The following LMBR1 variants were observed in gnomAD, a reference collection of about 807,000 sequenced individuals.
LMBR1 encodes the protein limb development membrane protein 1.
LMBR1 carries 52 observed loss-of-function variants against 73.9 expected under a neutral mutation model. The observed-to-expected ratio is 0.70, with a 90% CI of 0.56 to 0.89. The LOEUF (loss-of-function observed/expected upper bound fraction) is 0.89, where lower values mean the gene tolerates loss of function less well. Among genes scored for constraint, LMBR1 ranks in the 40% least tolerant of loss-of-function variants. The pLI, the probability that LMBR1 is intolerant of heterozygous loss-of-function variation, is 0.00. For missense variants in LMBR1, 539 were observed against 579.8 expected, an observed-to-expected ratio of 0.93 and a Z score of 0.72; for synonymous variants, 215 against 209.4, an observed-to-expected ratio of 1.03 and a Z score of -0.23.
At chr7:156,836,716 T>C (rs1251807560) in intron 2 of LMBR1, 97 bp downstream of exon 2, 1 of 719,392 alleles carries the variant, frequency 1.4e-6, no homozygotes, top group East Asian at 3.1e-5. Context: ...GCATATTCAA[T>C]ACACTATGAC....
chr7:156,822,371 C>T (rs1834929220), intron 4 of LMBR1: 1 of 152,112 alleles, frequency 6.6e-6, no homozygotes, highest in African/African-American at 2.4e-5. Context: ...ACTCTGAAAG[C>T]GTAAACAATA....
intron 9 of LMBR1, among the ~76,000 whole-genome samples, chr7:156,754,938 C>G (rs575299285): frequency 2.6e-5 from 4 of 152,216 alleles, no homozygotes; most frequent in African/African-American, 7.2e-5. Flanking sequence ...AGTGGCTAAC[C>G]AGCAGCAAAC....
intron 9 of LMBR1, among the ~76,000 whole-genome samples, chr7:156,734,616 C>A (rs772602110): frequency 6.6e-5 from 10 of 152,106 alleles, no homozygotes; most frequent in Non-Finnish European, 1.3e-4. Flanking sequence ...AACCCAAAAC[C>A]ACCAGTACCA....
At chr7:156,746,082 A>G (rs781208966) in intron 9 of LMBR1, among the ~76,000 whole-genome samples, 33 of 152,214 alleles carry the variant, frequency 2.2e-4, no homozygotes, top group Non-Finnish European at 4.1e-4. Context: ...ATTTACAGAA[A>G]GACAGCACAG....
chr7:156,879,338 T>C (rs1586427151), intron 1 of LMBR1, among the ~76,000 whole-genome samples: 1 of 152,088 alleles, frequency 6.6e-6, no homozygotes, highest in Admixed American at 6.6e-5. Flanking sequence ...TGGACTCAAA[T>C]TAGCAAGAGA....
chr7:156,858,687 A>G (rs1462585239), intron 1 of LMBR1, among the ~76,000 whole-genome samples: 1 of 152,210 alleles, frequency 6.6e-6, no homozygotes, highest in Non-Finnish European at 1.5e-5. Flanking sequence ...ACTGAATCCA[A>G]CAGTATATAA....
chr7:156,822,668 A>T (rs968747193), intron 4 of LMBR1: 1 of 152,220 alleles, frequency 6.6e-6, no homozygotes, highest in African/African-American at 2.4e-5. Context: ...AATTCTGGAA[A>T]AAAGCAATTA....
rs144411064 is a variant in LMBR1 at position 156,731,028 on chromosome 7, T to C, written c.839-2308A>G. On this transcript the variant is annotated intron_variant, in intron 10 of 16. Transcript: ENST00000353442. ...CCATGTATTGGATTTATCAGAAAGATGCTTTAAAATAAATGATTAACATAT... is the reference window on the plus strand; with the variant it reads ...CCATGTATTGGATTTATCAGAAAGACGCTTTAAAATAAATGATTAACATAT... Among the ~76,000 whole-genome samples, 72 of 152,246 alleles carry C rather than the reference T, an allele frequency of 4.7e-4. 1 individual carries two copies. The highest frequency in any genetic ancestry group is 1.6e-3 in the African/African-American group (68 of 41,550).
chr7:156,684,638 A>G (rs1184064647), intron 16 of LMBR1, among the ~76,000 whole-genome samples: 1 of 152,200 alleles, frequency 6.6e-6, no homozygotes, highest in Non-Finnish European at 1.5e-5. Flanking sequence ...CCCGAGACAG[A>G]TACGTTCCCA....
chr7:156,797,132 A>G (rs1452312709), intron 4 of LMBR1, among the ~76,000 whole-genome samples: 1 of 152,174 alleles, frequency 6.6e-6, no homozygotes, highest in East Asian at 1.9e-4. Context: ...TCACTACATC[A>G]CAGAAATTTT....
chr7:156,832,086 A>G (rs1204590163), intron 3 of LMBR1, among the ~76,000 whole-genome samples: 3 of 152,252 alleles, frequency 2.0e-5, no homozygotes, highest in Non-Finnish European at 4.4e-5. Flanking sequence ...AAAACCCGTA[A>G]TTCTGTAAAT....
rs181325081 is a variant in LMBR1 at position 156,826,508 on chromosome 7, A to G, written c.319+97T>C. 2.5e-4 allele frequency: 218 copies of G among 868,976 alleles called. No homozygotes were observed. The African/African-American group carries it at 3.0e-3, about 12-fold the overall frequency. The allele number at this position is 868,976 out of a possible 1,614,324, so 53.8% of individuals were successfully genotyped here. A position where few individuals can be genotyped will look rare whatever the true frequency, so the allele number is the denominator to read the frequency against. ...CAAATCGTTTACTGGAGGAAGTCAC[A>G]AATTATGAAGAAAACTGAGAAAAGA... On this transcript the variant is annotated intron_variant, in intron 4 of 16. Coordinates refer to ENST00000353442, the MANE Select transcript of LMBR1 (RefSeq NM_022458.4).
At chr7:156,802,126 G>A (rs1283492814) in intron 4 of LMBR1, among the ~76,000 whole-genome samples, 2 of 152,158 alleles carry the variant, frequency 1.3e-5, no homozygotes, top group Non-Finnish European at 2.9e-5. Context: ...GGGATAACAG[G>A]CACGCGCCAC....
rs1425128336 is a variant in LMBR1 at position 156,826,137 on chromosome 7, G to A, written c.319+468C>T. On this transcript the variant is annotated intron_variant, in intron 4 of 16. Coordinates refer to ENST00000353442, the MANE Select transcript of LMBR1 (RefSeq NM_022458.4). ...TGGGATTATAAGCGCGTGCCACCATGCCTGGCTAATTTTTATATTTTTAGT... is the reference window on the plus strand; with the variant it reads ...TGGGATTATAAGCGCGTGCCACCATACCTGGCTAATTTTTATATTTTTAGT... Among the ~76,000 whole-genome samples, 20 of 152,184 alleles carry A rather than the reference G, an allele frequency of 1.3e-4. No homozygotes were observed. The South Asian group carries it at 3.7e-3, about 28-fold the overall frequency.
chr7:156,670,854 A>T lies in LMBR1; in HGVS notation n.867-1567T>A, dbSNP rs990777926. ...ATTCTAAAGGATGCCTTGCATGAGGAAGGAAAATGGCCCCAGACGGGAAAT... is the reference window on the plus strand; with the variant it reads ...ATTCTAAAGGATGCCTTGCATGAGGTAGGAAAATGGCCCCAGACGGGAAAT... On this transcript the variant is annotated intron_variant and non_coding_transcript_variant, in intron 4 of 4. Transcript: ENST00000430825. The surrounding 1 kb of genome is among the most constrained non-coding windows in gnomAD (Gnocchi z 4.3). 1.3e-5 allele frequency among the ~76,000 whole-genome samples: 2 copies of T among 152,228 alleles called. No individual in the cohort carries two copies. Among genetic ancestry groups the T allele is most frequent in the African/African-American group, 4.8e-5 (2 of 41,446 alleles).
At chr7:156,872,579 G>A (rs147239448) in intron 1 of LMBR1, among the ~76,000 whole-genome samples, 184 of 151,930 alleles carry the variant, frequency 1.2e-3, no homozygotes, top group African/African-American at 4.2e-3. Context: ...CCAGGGAGGC[G>A]GAGGCTGCAG....
rs1485338397 is a variant in LMBR1, at chr7:156,678,775, C to T, written c.*5303G>A. 2 of 152,178 alleles carry T rather than the reference C, an allele frequency of 1.3e-5. No homozygotes were observed. The highest frequency in any genetic ancestry group is 4.8e-5 in the African/African-American group (2 of 41,438). 9.4% of individuals were successfully genotyped at this position (152,178 alleles called of 1,614,324 possible). ...TGGAACCCACTTGTCTGACAGTCAC[C>T]TTGCAAGATGAAGCCACTTCTTGTG... is the stretch of plus-strand genomic sequence containing the variant. On this transcript the variant is annotated 3_prime_UTR_variant, in exon 17 of 17. Transcript: ENST00000353442.
At chr7:156,848,112 TA>T (rs892497479) in intron 1 of LMBR1, among the ~76,000 whole-genome samples, 1 of 147,752 alleles carries the variant, frequency 6.8e-6, no homozygotes, top group African/African-American at 2.5e-5. Context: ...ATGTAAAACC[TA>T]AAACTATAGA....
chr7:156,772,459 C>T lies in LMBR1; in HGVS notation c.424-8664G>A, dbSNP rs181376796. Reference sequence around the variant, plus strand: ...GAACAGGCAAAAGCTGGAAGCATAGCCCCTTGAGAACCGTAACAAGACAAG... The same window carrying T: ...GAACAGGCAAAAGCTGGAAGCATAGTCCCTTGAGAACCGTAACAAGACAAG... On this transcript the variant is annotated intron_variant, in intron 5 of 16. Coordinates refer to ENST00000353442, the MANE Select transcript of LMBR1 (RefSeq NM_022458.4). 1.2e-4 allele frequency among the ~76,000 whole-genome samples: 19 copies of T among 152,278 alleles called. No individual in the cohort carries two copies. The East Asian group carries it at 3.7e-3, about 29-fold the overall frequency.
Sources: gnomAD v4.1 joint callset for allele counts (sites outside exome capture counted in the v4.1 genomes callset) on GRCh38, gnomAD v4.1.1 for gene constraint, Gnocchi (gnomAD v3.1) non-coding constraint, MANE v1.5 for transcripts, NCBI Gene and HGNC (gene_info 2026-07-23, HGNC 2026-07-21) for gene names.